MARCO: variants seen among roughly 807,000 people sequenced by gnomAD.
MARCO encodes macrophage receptor MARCO.
MARCO carries 72 observed loss-of-function variants against 70.0 expected under a neutral mutation model. The ratio of observed to expected loss-of-function variants is 1.03; its 90% CI spans 0.85 to 1.25. The LOEUF is 1.25. Among genes scored for constraint, MARCO ranks in the 50% most tolerant of loss-of-function variants. The pLI is 0.00. For missense variants in MARCO, 696 were observed against 659.3 expected, an observed-to-expected ratio of 1.06 and a Z score of -0.61; for synonymous variants, 273 against 243.1, an observed-to-expected ratio of 1.12 and a Z score of -1.14.
chr2:118,975,702 G>A (rs371653080), intron 6 of MARCO, among the ~76,000 whole-genome samples: 8 of 151,956 alleles, frequency 5.3e-5, no homozygotes, highest in African/African-American at 1.5e-4. Context: ...ACTCACTCAC[G>A]CACCAATGTA....
At chr2:118,946,556 T>A (rs62157373) in intron 1 of MARCO, among the ~76,000 whole-genome samples, 14,146 of 152,240 alleles carry the variant, frequency 0.093, 838 homozygotes, top group African/African-American at 0.16. Context: ...TCAAAGATTG[T>A]TTAACATTCA....
At chr2:118,957,685 A>G (rs1054983578) in intron 1 of MARCO, among the ~76,000 whole-genome samples, 1 of 151,994 alleles carries the variant, frequency 6.6e-6, no homozygotes, top group African/African-American at 2.4e-5. Flanking sequence ...TAACACCAAA[A>G]CCAGGAAAGG....
At chr2:118,976,094 G>A (rs1008005893) in intron 6 of MARCO, among the ~76,000 whole-genome samples, 24 of 152,100 alleles carry the variant, frequency 1.6e-4, no homozygotes, top group African/African-American at 5.6e-4. Flanking sequence ...GAAGCCTGAG[G>A]AGCACAGTCA....
At chr2:118,978,318 A>AG (rs1306251659) in intron 8 of MARCO, among the ~76,000 whole-genome samples, 3 of 152,188 alleles carry the variant, frequency 2.0e-5, no homozygotes, top group Admixed American at 2.0e-4. Flanking sequence ...CCATTGACTG[A>AG]GGGTGCTATC....
intron 12 of MARCO, among the ~76,000 whole-genome samples, chr2:118,986,538 G>GAA (rs1680486585): frequency 7.9e-6 from 1 of 126,416 alleles, no homozygotes; most frequent in Non-Finnish European, 1.6e-5. Context: ...AAGAAAGAAA[G>GAA]AGAGAGAGAG....
intron 9 of MARCO, 36 bp downstream of exon 9, chr2:118,981,543 G>C (rs1422998528): frequency 4.6e-6 from 7 of 1,534,072 alleles, no homozygotes; most frequent in Non-Finnish European, 6.3e-6. Flanking sequence ...CTGACCTCTA[G>C]GTATTTCCTT....
intron 1 of MARCO, among the ~76,000 whole-genome samples, chr2:118,964,820 G>A (rs1292494733): frequency 6.6e-6 from 1 of 151,496 alleles, no homozygotes; most frequent in Admixed American, 6.6e-5. Flanking sequence ...CCCAGGAGAT[G>A]GAGGTTGAAG....
intron 8 of MARCO, among the ~76,000 whole-genome samples, chr2:118,978,592 C>T (rs977036339): frequency 6.6e-5 from 10 of 152,198 alleles, no homozygotes; most frequent in Admixed American, 5.2e-4. Context: ...CGGGGCCAGG[C>T]GGGCTTGGTT....
chr2:118,951,186 A>T (rs904789130), intron 1 of MARCO, among the ~76,000 whole-genome samples: 1 of 152,116 alleles, frequency 6.6e-6, no homozygotes, highest in Non-Finnish European at 1.5e-5. Flanking sequence ...CTTTTCTCTC[A>T]ATCACCTGGG....
At chr2:118,981,163 G>A (rs1680380745) in intron 8 of MARCO, among the ~76,000 whole-genome samples, 1 of 152,058 alleles carries the variant, frequency 6.6e-6, no homozygotes, top group Non-Finnish European at 1.5e-5. Flanking sequence ...AGGGGACCAG[G>A]GCTTTCTGTT....
At chr2:118,993,819 C>A (rs900052957) in intron 16 of MARCO, among the ~76,000 whole-genome samples, 2 of 152,208 alleles carry the variant, frequency 1.3e-5, no homozygotes, top group African/African-American at 4.8e-5. Flanking sequence ...TCTTCGGATG[C>A]TGGAGACTCA....
chr2:118,987,015 A>G (rs1370567939), intron 12 of MARCO, among the ~76,000 whole-genome samples: 1 of 152,168 alleles, frequency 6.6e-6, no homozygotes, highest in Non-Finnish European at 1.5e-5. Context: ...CTGGGTTTGA[A>G]ATAGGCAGCT....
At chr2:118,976,078 A>C (rs996896061) in intron 6 of MARCO, among the ~76,000 whole-genome samples, 2 of 152,214 alleles carry the variant, frequency 1.3e-5, no homozygotes, top group South Asian at 4.2e-4. Context: ...TTGAAGGGAA[A>C]AGCCAGAAGC....
chr2:118,967,854 G>A (rs1424321744), intron 1 of MARCO, among the ~76,000 whole-genome samples: 1 of 152,086 alleles, frequency 6.6e-6, no homozygotes, highest in East Asian at 1.9e-4. Flanking sequence ...CATTCCCTTG[G>A]GCTCCTTCAT....
Position 118,970,250 on chromosome 2 carries a change from G to C in MARCO, c.336G>C (p.Arg112Ser). 6.2e-7 allele frequency: 1 copy of C among 1,614,050 alleles called. No individual in the cohort carries two copies. The highest frequency in any genetic ancestry group is 8.5e-7 in the Non-Finnish European group (1 of 1,180,016). The change falls in exon 3 of 17, where the codon AGG becomes AGC. Residue 112 changes from arginine to serine, a missense_variant. Arg to Ser is a moderately radical substitution (Grantham distance 110). Around this residue, in one of 3 missense-constraint regions of MARCO, gnomAD observed 605 missense variants for 537.6 expected, o/e 1.13. Coordinates refer to ENST00000327097, the MANE Select transcript of MARCO (RefSeq NM_006770.4). ...AACACCTGGCTCAGGGTGCATCGAG[G>C]CTGCAAGTCCTGCAGGCCCAACTCA... The part of the protein sequence containing the change: ...PGEHLAQGAS[R>S]LQVLQAQLTW...
chr2:118,945,660 C>G (rs1679584078), intron 1 of MARCO, among the ~76,000 whole-genome samples: 3 of 151,912 alleles, frequency 2.0e-5, no homozygotes, highest in South Asian at 4.2e-4. Flanking sequence ...TGATCCGCCC[C>G]CCTTGGCCTC....
At position 118,981,634 on chromosome 2, in the gene MARCO, T is replaced by A. The variant is rs1325718263; in HGVS notation, c.879T>A (p.Phe293Leu). The A allele has an allele frequency of 1.2e-6, 2 of 1,613,994 alleles. No homozygotes were observed. The highest frequency in any genetic ancestry group is 2.7e-5 in the African/African-American group (2 of 74,918). The change falls in exon 10 of 17, where the codon TTT (phenylalanine) becomes TTA (leucine). Residue 293 changes from phenylalanine to leucine, a missense_variant. Physicochemically the swap from Phe to Leu is conservative, Grantham distance 22. Around this residue, in one of 3 missense-constraint regions of MARCO, gnomAD observed 605 missense variants for 537.6 expected, o/e 1.13. Transcript: ENST00000327097. ...TTTTCATCTTAGGTTTGGCTGGTTT[T>A]CCTGGAGCTAAAGGAGATCAAGGTA... is the stretch of plus-strand genomic sequence containing the variant. ...GRPGPPGLAG[F>L]PGAKGDQGQP...
intron 1 of MARCO, among the ~76,000 whole-genome samples, chr2:118,951,155 T>C (rs1421699861): frequency 2.0e-5 from 3 of 152,212 alleles, no homozygotes; most frequent in African/African-American, 7.2e-5. Flanking sequence ...TCCTTATCAC[T>C]TACTGAATAC....
chr2:118,978,599 G>A (rs1366205700), intron 8 of MARCO, among the ~76,000 whole-genome samples: 2 of 152,178 alleles, frequency 1.3e-5, no homozygotes, highest in East Asian at 3.8e-4. Flanking sequence ...AGGCGGGCTT[G>A]GTTCCCATCC....
Sources: gnomAD v4.1 joint callset for allele counts (sites outside exome capture counted in the v4.1 genomes callset) on GRCh38, gnomAD v4.1.1 for gene constraint, gnomAD v4.1.1 regional missense constraint, MANE v1.5 for transcripts, NCBI Gene and HGNC (gene_info 2026-07-23, HGNC 2026-07-21) for gene names.